TIAM1: variants seen among roughly 807,000 people sequenced by gnomAD.
TIAM1 encodes TIAM Rac1 associated GEF 1.
TIAM1 carries 65 observed loss-of-function variants against 163.5 expected under a neutral mutation model. That is an observed-to-expected ratio of 0.40 (90% CI 0.33 to 0.49). The LOEUF (loss-of-function observed/expected upper bound fraction) is 0.49. Ranked by LOEUF, TIAM1 falls within the 20% of genes least tolerant of loss-of-function variation. The probability of loss-of-function intolerance (pLI) is 0.77; values close to 1 mark genes in which losing one functional copy is unlikely to be tolerated. For missense variants in TIAM1, 1,789 were observed against 2,044.7 expected (o/e 0.87, Z 2.41); for synonymous variants, 833 against 810.1 (o/e 1.03, Z -0.48).
chr21:31,303,729 G>C (rs1051030509), intron 2 of TIAM1, among the ~76,000 whole-genome samples: 8 of 152,258 alleles, frequency 5.3e-5, no homozygotes, highest in African/African-American at 1.9e-4. Flanking sequence ...TGTAATCCCA[G>C]CACTTTGGGA....
chr21:31,473,305 C>T (rs1295302482), intron 1 of TIAM1, among the ~76,000 whole-genome samples: 1 of 151,794 alleles, frequency 6.6e-6, no homozygotes, highest in Non-Finnish European at 1.5e-5. Context: ...TGGCGGGTGC[C>T]TGTAGTCCCA....
At chr21:31,451,735 GT>G (rs2044859181) in intron 2 of TIAM1, among the ~76,000 whole-genome samples, 1 of 149,820 alleles carries the variant, frequency 6.7e-6, no homozygotes. Context: ...GTGTGTGTGT[GT>G]GTGTGTGTGT....
chr21:31,125,306 G>C (rs578228410), intron 26 of TIAM1, among the ~76,000 whole-genome samples: 1 of 151,666 alleles, frequency 6.6e-6, no homozygotes, highest in East Asian at 1.9e-4. Flanking sequence ...AGTTTTACCT[G>C]GTATTCCCTA....
At chr21:31,284,584 T>A (rs2073717459) in intron 2 of TIAM1, among the ~76,000 whole-genome samples, 1 of 152,128 alleles carries the variant, frequency 6.6e-6, no homozygotes, top group South Asian at 2.1e-4. Context: ...AGTGGTGCGA[T>A]CTTGGCTCAC....
chr21:31,321,413 C>T (rs1238452088), intron 2 of TIAM1, among the ~76,000 whole-genome samples: 1 of 152,070 alleles, frequency 6.6e-6, no homozygotes, highest in Non-Finnish European at 1.5e-5. Context: ...AGTGCAATGG[C>T]GCGATCTTGG....
At chr21:31,439,137 C>T (rs1267383607) in intron 2 of TIAM1, among the ~76,000 whole-genome samples, 1 of 152,128 alleles carries the variant, frequency 6.6e-6, no homozygotes, top group African/African-American at 2.4e-5. Flanking sequence ...GCCTGCCATC[C>T]CCACCACCTC....
intron 2 of TIAM1, among the ~76,000 whole-genome samples, chr21:31,450,261 C>T (rs1399666357): frequency 6.6e-6 from 1 of 152,170 alleles, no homozygotes; most frequent in Non-Finnish European, 1.5e-5. Context: ...AACTTCCCTA[C>T]AGAAACAACA....
chr21:31,556,479 T>C (rs1207954842), intron 1 of TIAM1, among the ~76,000 whole-genome samples: 2 of 152,172 alleles, frequency 1.3e-5, no homozygotes, highest in Non-Finnish European at 2.9e-5. Flanking sequence ...ATTCAAAGAA[T>C]GTGTTGTTGG....
chr21:31,154,509 T>G, intron 16 of TIAM1, 83 bp from the exon 17 acceptor site: 1 of 1,401,806 alleles, frequency 7.1e-7, no homozygotes, highest in South Asian at 1.4e-5. Flanking sequence ...CTAGAGGTGT[T>G]CTCCCTGGTT....
intron 1 of TIAM1, among the ~76,000 whole-genome samples, chr21:31,477,965 G>A (rs186456963): frequency 1.3e-5 from 2 of 152,306 alleles, no homozygotes; most frequent in East Asian, 1.9e-4. Context: ...TCTCCAGGAG[G>A]TTCTTAGAAT....
At chr21:31,380,200 T>C (rs2076754288) in intron 2 of TIAM1, among the ~76,000 whole-genome samples, 1 of 151,716 alleles carries the variant, frequency 6.6e-6, no homozygotes, top group Non-Finnish European at 1.5e-5. Context: ...GAGGTGGAGG[T>C]TGCAGTTGGA....
upstream of TIAM1, among the ~76,000 whole-genome samples, chr21:31,348,412 T>A (rs1347864287): frequency 6.6e-6 from 1 of 151,972 alleles, no homozygotes; most frequent in Non-Finnish European, 1.5e-5. Context: ...GGGAAGAGTC[T>A]CCTCCTCCTC....
intron 2 of TIAM1, among the ~76,000 whole-genome samples, chr21:31,423,863 C>CGGG (rs762725565): frequency 6.6e-4 from 17 of 25,580 alleles, no homozygotes; most frequent in Admixed American, 1.7e-3. Flanking sequence ...TCGGGGGGGG[C>CGGG]GGGGGGGGGG....
chr21:31,411,472 T>TC, intron 2 of TIAM1, among the ~76,000 whole-genome samples: 1 of 4,664 alleles, frequency 2.1e-4, no homozygotes, highest in South Asian at 5.8e-3. Context: ...CCCAAGAAAC[T>TC]TTTTTTTTTT....
chr21:31,239,451 T>C (rs1454904266), intron 6 of TIAM1, among the ~76,000 whole-genome samples: 5 of 152,050 alleles, frequency 3.3e-5, no homozygotes, highest in African/African-American at 1.2e-4. Flanking sequence ...TTATAACATA[T>C]ATACAAGAAA....
intron 25 of TIAM1, 117 bp downstream of exon 25, chr21:31,130,096 G>GA (rs386352639): frequency 0.017 from 9,306 of 554,830 alleles, no homozygotes; most frequent in South Asian, 0.027. Flanking sequence ...TAAGCATAGG[G>GA]AAAAAAAAAA....
At chr21:31,222,199 C>A (rs1430096365) in intron 8 of TIAM1, among the ~76,000 whole-genome samples, 2 of 152,144 alleles carry the variant, frequency 1.3e-5, no homozygotes, top group African/African-American at 4.8e-5. Flanking sequence ...AAGGGTACAG[C>A]TGACAAAGCA....
At position 31,266,536 on chromosome 21, in the gene TIAM1, C is replaced by T; in HGVS notation, c.437G>A (p.Gly146Asp). 2 of 1,614,200 alleles carry T rather than the reference C, an allele frequency of 1.2e-6. No homozygotes were observed. Among genetic ancestry groups the T allele is most frequent in the Non-Finnish European group, 1.7e-6 (2 of 1,180,044 alleles). Reference protein sequence around the residue: ...GDDATYLAEGGRRQHSYTSNG... With the variant: ...GDDATYLAEGDRRQHSYTSNG... ...GGATGTATAGGAATGCTGCCTCCTG[C>T]CTCCCTCAGCCAAATATGTAGCGTC... Residue 146 changes from glycine (G) to aspartate (D), a missense_variant, in exon 4 of 28, where the codon GGC (glycine) becomes GAC (aspartate). This residue lies in a region of TIAM1 where 555 missense variants were observed against 564.9 expected (regional missense o/e 0.98). Transcript: ENST00000541036.
At position 31,206,936 on chromosome 21, in the gene TIAM1, T is replaced by TACAC. The variant is rs142792769; in HGVS notation, c.2388+3105_2388+3108dup. On this transcript the variant is annotated intron_variant, in intron 11 of 27. Transcript: ENST00000541036. ...TAGTCACTGCATACAGAAATATGTA[T>TACAC]ACACACACACACACACAAAGTGCTA... 5.3e-5 allele frequency among the ~76,000 whole-genome samples: 8 copies of TACAC among 151,366 alleles called. No homozygotes were observed. The East Asian group carries it at 5.8e-4, about 11-fold the overall frequency.
Sources: gnomAD v4.1 joint callset for allele counts (sites outside exome capture counted in the v4.1 genomes callset) on GRCh38, gnomAD v4.1.1 for gene constraint, gnomAD v4.1.1 regional missense constraint, MANE v1.5 for transcripts, NCBI Gene and HGNC (gene_info 2026-07-23, HGNC 2026-07-21) for gene names.